The following ADAM18 variants were observed in gnomAD, a reference collection of about 807,000 sequenced individuals.
ADAM18 encodes disintegrin and metalloproteinase domain-containing protein 18.
In ADAM18, 117 loss-of-function variants were observed where a neutral mutation model predicts 94.4. That is an observed-to-expected ratio of 1.24 (90% CI 1.07 to 1.45). ADAM18 has a LOEUF of 1.45. ADAM18 is among the 40% of genes most tolerant of loss of function. The pLI is 0.00. For synonymous variants in ADAM18, 327 were observed against 291.6 expected (o/e 1.12, Z -1.24); for missense variants, 936 against 880.0 (o/e 1.06, Z -0.81).
At chr8:39,671,291 A>G (rs1289413986) in intron 14 of ADAM18, among the ~76,000 whole-genome samples, 2 of 152,232 alleles carry the variant, frequency 1.3e-5, no homozygotes, top group Non-Finnish European at 2.9e-5. Context: ...GTAAGAGAGA[A>G]TACATTAGCT....
At chr8:39,719,139 C>G (rs1230617830) in intron 18 of ADAM18, among the ~76,000 whole-genome samples, 1 of 151,236 alleles carries the variant, frequency 6.6e-6, no homozygotes, top group Non-Finnish European at 1.5e-5. Flanking sequence ...CATTAACAGA[C>G]ATACAGGTCA....
chr8:39,672,829 T>C (rs963967315), intron 14 of ADAM18, among the ~76,000 whole-genome samples: 1 of 152,222 alleles, frequency 6.6e-6, no homozygotes, highest in African/African-American at 2.4e-5. Flanking sequence ...TTGACATTAA[T>C]ATCCAGAAGC....
rs1821814504 is a variant in ADAM18 at position 39,692,648 on chromosome 8, T to G, written c.1870T>G (p.Cys624Gly). Residue 624 changes from cysteine to glycine, a missense_variant, in exon 17 of 20, where the codon TGT (cysteine) becomes GGT (glycine). Cys to Gly is a radical substitution (Grantham distance 159, BLOSUM62 -3). Coordinates refer to ENST00000265707, the MANE Select transcript of ADAM18 (RefSeq NM_014237.3). The stretch of plus-strand genomic sequence containing the variant: ...AAAAGTTCATTTAATGGGATATAAC[T>G]GTAATGCCACCACAAAATGCAAAGG... ...CRKVHLMGYN[C>G]NATTKCKGKG... 6.2e-7 allele frequency: 1 copy of G among 1,607,906 alleles called. No homozygotes were observed. The highest frequency in any genetic ancestry group is 1.7e-5 in the Admixed American group (1 of 59,426).
intron 12 of ADAM18, among the ~76,000 whole-genome samples, chr8:39,649,597 G>A (rs1387751360): frequency 6.6e-6 from 1 of 152,118 alleles, no homozygotes; most frequent in East Asian, 1.9e-4. Flanking sequence ...TAGAATGTAG[G>A]CAGATTGACA....
At chr8:39,627,097 T>C (rs1384328343) in intron 6 of ADAM18, among the ~76,000 whole-genome samples, 2 of 152,160 alleles carry the variant, frequency 1.3e-5, no homozygotes, top group East Asian at 3.9e-4. Flanking sequence ...TATATATATA[T>C]GCATATATAT....
At chr8:39,711,300 CAG>C (rs1822389563) in intron 18 of ADAM18, among the ~76,000 whole-genome samples, 2 of 152,118 alleles carry the variant, frequency 1.3e-5, no homozygotes, top group African/African-American at 4.8e-5. Context: ...AGGAGATAAT[CAG>C]AGTTTCCTTG....
chr8:39,728,119 C>T (rs1030664400), intron 19 of ADAM18, among the ~76,000 whole-genome samples: 3 of 152,022 alleles, frequency 2.0e-5, no homozygotes, highest in Non-Finnish European at 4.4e-5. Flanking sequence ...CCAGATCTTG[C>T]AAGAACTCAC....
Position 39,603,522 on chromosome 8 carries a change from T to G in ADAM18, c.133-2785T>G, listed in dbSNP as rs1024015794. ...TAAGGTTGAACATTTATAGACATAA[T>G]TTGCTTTACACATTCAGTGGACTAC... On this transcript the variant is annotated intron_variant, in intron 2 of 19. Coordinates refer to ENST00000265707, the MANE Select transcript of ADAM18 (RefSeq NM_014237.3). 1.4e-4 allele frequency among the ~76,000 whole-genome samples: 21 copies of G among 152,336 alleles called. No homozygotes were observed. The South Asian group carries it at 4.1e-3, about 30-fold the overall frequency.
At chr8:39,681,282 C>T (rs1018727557) in intron 16 of ADAM18, among the ~76,000 whole-genome samples, 3 of 152,070 alleles carry the variant, frequency 2.0e-5, no homozygotes, top group African/African-American at 7.2e-5. Flanking sequence ...AATCTGAGGC[C>T]CTCAGTTCAA....
intron 10 of ADAM18, among the ~76,000 whole-genome samples, chr8:39,641,061 A>G (rs542762262): frequency 1.3e-5 from 2 of 152,096 alleles, no homozygotes; most frequent in East Asian, 1.9e-4. Context: ...TGCTTTTGGC[A>G]TCTTTTTCAT....
chr8:39,693,782 G>A (rs1182888991), intron 17 of ADAM18, among the ~76,000 whole-genome samples: 1 of 150,724 alleles, frequency 6.6e-6, no homozygotes, highest in Non-Finnish European at 1.5e-5. Flanking sequence ...TTCTACATAT[G>A]TTATATTTTG....
chr8:39,709,668 A>G (rs940569724), intron 18 of ADAM18, among the ~76,000 whole-genome samples: 1 of 152,220 alleles, frequency 6.6e-6, no homozygotes, highest in African/African-American at 2.4e-5. Flanking sequence ...TAAAATTGAG[A>G]TTCACATTTT....
At chr8:39,684,857 C>G (rs1821566664) in intron 16 of ADAM18, among the ~76,000 whole-genome samples, 1 of 152,172 alleles carries the variant, frequency 6.6e-6, no homozygotes. Flanking sequence ...CCCCTGACCT[C>G]ACCACTGTGT....
intron 13 of ADAM18, 142 bp downstream of exon 13, chr8:39,664,032 TA>T (rs1820924787): frequency 1.6e-6 from 1 of 607,382 alleles, no homozygotes; most frequent in African/African-American, 1.9e-5. Flanking sequence ...AACACAAGTT[TA>T]AAGGAAAATT....
intron 3 of ADAM18, among the ~76,000 whole-genome samples, chr8:39,607,729 C>T (rs1208862716): frequency 1.4e-5 from 2 of 147,990 alleles, no homozygotes; most frequent in African/African-American, 2.5e-5. Flanking sequence ...CTCTCTCTGT[C>T]TCTCCTTTCT....
chr8:39,721,420 A>C (rs1822743965), intron 18 of ADAM18, among the ~76,000 whole-genome samples: 1 of 151,596 alleles, frequency 6.6e-6, no homozygotes, highest in Admixed American at 6.6e-5. Context: ...GGGGCTTCTT[A>C]ATTAACCTAA....
intron 3 of ADAM18, among the ~76,000 whole-genome samples, chr8:39,607,228 C>G (rs1038630857): frequency 6.6e-6 from 1 of 152,150 alleles, no homozygotes; most frequent in African/African-American, 2.4e-5. Flanking sequence ...ATTCTTTCCC[C>G]ACGTAAGAGC....
intron 6 of ADAM18, among the ~76,000 whole-genome samples, chr8:39,622,539 T>G (rs1359991786): frequency 6.6e-6 from 1 of 151,802 alleles, no homozygotes; most frequent in Non-Finnish European, 1.5e-5. Flanking sequence ...GAGCAATTAT[T>G]TTACTTATGC....
intron 16 of ADAM18, among the ~76,000 whole-genome samples, chr8:39,691,490 G>A (rs1389483142): frequency 6.6e-6 from 1 of 151,978 alleles, no homozygotes; most frequent in Non-Finnish European, 1.5e-5. Flanking sequence ...CAAAGAAAAG[G>A]AAATAAGTAT....
Sources: gnomAD v4.1 joint callset for allele counts (sites outside exome capture counted in the v4.1 genomes callset) on GRCh38, gnomAD v4.1.1 for gene constraint, MANE v1.5 for transcripts, NCBI Gene and HGNC (gene_info 2026-07-23, HGNC 2026-07-21) for gene names.